TRIM71: variants seen among roughly 807,000 people sequenced by gnomAD.
TRIM71 encodes the protein E3 ubiquitin-protein ligase TRIM71.
A neutral mutation model predicts 61.2 loss-of-function variants in TRIM71; 9 were observed. The observed-to-expected ratio is 0.15, with a 90% CI of 0.09 to 0.26. TRIM71 has a LOEUF of 0.26. Ranked by LOEUF, TRIM71 falls within the 10% of genes least tolerant of loss-of-function variation. The pLI is 1.00. For synonymous variants in TRIM71, 645 were observed against 553.2 expected, an observed-to-expected ratio of 1.17 and a Z score of -2.33; for missense variants, 998 against 1,238.7, an observed-to-expected ratio of 0.81 and a Z score of 2.92.
intron 1 of TRIM71, among the ~76,000 whole-genome samples, chr3:32,873,446 TAAC>T (rs1480175491): frequency 6.6e-6 from 1 of 152,184 alleles, no homozygotes; most frequent in Non-Finnish European, 1.5e-5. Flanking sequence ...AACACAGTCT[TAAC>T]AACTTTTCTG....
chr3:32,856,173 A>G (rs894269855), intron 1 of TRIM71, among the ~76,000 whole-genome samples: 2 of 152,026 alleles, frequency 1.3e-5, no homozygotes, highest in African/African-American at 2.4e-5. Context: ...GCCCGCCACC[A>G]CGCCCGGCTA....
intron 1 of TRIM71, among the ~76,000 whole-genome samples, chr3:32,833,652 T>G (rs1348441049): frequency 6.6e-6 from 1 of 151,006 alleles, no homozygotes; most frequent in Non-Finnish European, 1.5e-5. Flanking sequence ...ATTTATTTAT[T>G]TATTTATTTA....
chr3:32,818,357 G>T lies in TRIM71; in HGVS notation c.277G>T (p.Val93Leu). The change falls in exon 1 of 4, where the codon GTG (valine) becomes TTG (leucine). Residue 93 changes from valine to leucine, a missense_variant. Val to Leu is a conservative substitution (Grantham distance 32, BLOSUM62 1). This residue lies in a region of TRIM71 where 527 missense variants were observed against 427.8 expected (regional missense o/e 1.23). Transcript: ENST00000383763. ...AGEPLKLRCPVCDQKVVLAEA... is the reference protein window; with the variant it reads ...AGEPLKLRCPLCDQKVVLAEA... ...AGAGCCGCTCAAGCTGCGCTGCCCC[G>T]TGTGCGACCAGAAAGTAGTGCTAGC... 6.8e-7 allele frequency: 1 copy of T among 1,475,464 alleles called. No individual in the cohort carries two copies. Among genetic ancestry groups the T allele is most frequent in the South Asian group, 1.3e-5 (1 of 79,314 alleles). 91.4% of individuals were successfully genotyped at this position (1,475,464 alleles called of 1,614,324 possible). A position where few individuals can be genotyped will look rare whatever the true frequency, so the allele number is the denominator to read the frequency against.
intron 2 of TRIM71, among the ~76,000 whole-genome samples, chr3:32,885,494 G>A (rs113580139): frequency 0.023 from 3,439 of 152,216 alleles, 129 homozygotes; most frequent in African/African-American, 0.078. Flanking sequence ...CCACTACCCT[G>A]TCGCACACCC....
intron 1 of TRIM71, among the ~76,000 whole-genome samples, chr3:32,828,815 A>C (rs565312324): frequency 6.6e-6 from 1 of 151,866 alleles, no homozygotes; most frequent in African/African-American, 2.4e-5. Flanking sequence ...TACATTTTAT[A>C]TGACATGTTT....
chr3:32,871,381 G>A (rs553562425), intron 1 of TRIM71, among the ~76,000 whole-genome samples: 8 of 152,310 alleles, frequency 5.3e-5, no homozygotes, highest in South Asian at 2.1e-4. Context: ...GAACGGATGC[G>A]TTCTCAAGGT....
At chr3:32,841,176 C>T (rs908832415) in intron 1 of TRIM71, among the ~76,000 whole-genome samples, 9 of 151,914 alleles carry the variant, frequency 5.9e-5, no homozygotes, top group Non-Finnish European at 1.2e-4. Flanking sequence ...ACCCGGGAGG[C>T]GGAGCTTGCA....
At chr3:32,864,703 G>T (rs1268323585) in intron 1 of TRIM71, among the ~76,000 whole-genome samples, 2 of 152,228 alleles carry the variant, frequency 1.3e-5, no homozygotes, top group Non-Finnish European at 2.9e-5. Flanking sequence ...CTCAGGTCCG[G>T]TGTAGAGTGG....
rs1431431740 is a variant in TRIM71, at chr3:32,871,775, ACCATTG to A, written c.853-2041_853-2036del. On this transcript the variant is annotated intron_variant, in intron 1 of 3. Transcript: ENST00000383763. ...TGCTGCTACCTGGTTTCAGTCTGCC[ACCATTG>A]CTGGCAAAGCACTGCAGTGATCAAA... Among the ~76,000 whole-genome samples, 3 of 152,212 alleles carry A rather than the reference ACCATTG, an allele frequency of 2.0e-5. No homozygotes were observed. The East Asian group carries it at 5.8e-4, about 29-fold the overall frequency.
intron 1 of TRIM71, among the ~76,000 whole-genome samples, chr3:32,857,885 C>A (rs916600562): frequency 6.6e-6 from 1 of 152,062 alleles, no homozygotes; most frequent in East Asian, 1.9e-4. Context: ...GCATGAGAAT[C>A]GCTTGAACCC....
chr3:32,874,359 ACTACT>A (rs1559548621), intron 2 of TRIM71, among the ~76,000 whole-genome samples: 4 of 148,602 alleles, frequency 2.7e-5, no homozygotes, highest in Admixed American at 6.7e-5. Context: ...TACTACTACT[ACTACT>A]ACTACAACAT....
At chr3:32,855,688 A>T (rs1175514893) in intron 1 of TRIM71, among the ~76,000 whole-genome samples, 1 of 152,126 alleles carries the variant, frequency 6.6e-6, no homozygotes. Flanking sequence ...TTTGGGGAGC[A>T]CAGCAGGAGG....
At chr3:32,841,951 GGT>G (rs1559540678) in intron 1 of TRIM71, among the ~76,000 whole-genome samples, 4 of 152,114 alleles carry the variant, frequency 2.6e-5, no homozygotes, top group African/African-American at 9.7e-5. Flanking sequence ...GCTCAGCCAG[GGT>G]GCAGTTCTTG....
chr3:32,880,649 A>G (rs970361875), intron 2 of TRIM71, among the ~76,000 whole-genome samples: 3 of 152,188 alleles, frequency 2.0e-5, no homozygotes, highest in Non-Finnish European at 4.4e-5. Flanking sequence ...AGCATGGAAG[A>G]TGTAGCACCT....
At chr3:32,847,608 G>A (rs1441520969) in intron 1 of TRIM71, among the ~76,000 whole-genome samples, 1 of 152,212 alleles carries the variant, frequency 6.6e-6, no homozygotes, top group Admixed American at 6.5e-5. Context: ...AAGCATCCAG[G>A]CCAGTGCCTG....
At chr3:32,879,350 A>C (rs557586566) in intron 2 of TRIM71, among the ~76,000 whole-genome samples, 1 of 152,310 alleles carries the variant, frequency 6.6e-6, no homozygotes, top group East Asian at 1.9e-4. Flanking sequence ...TTGCAATCAC[A>C]GCTTTGACTG....
At chr3:32,854,401 C>G (rs190902617) in intron 1 of TRIM71, among the ~76,000 whole-genome samples, 1 of 152,280 alleles carries the variant, frequency 6.6e-6, no homozygotes, top group East Asian at 1.9e-4. Context: ...TGCTTCTGGA[C>G]ATTGCTTAGG....
intron 1 of TRIM71, among the ~76,000 whole-genome samples, chr3:32,822,759 T>C (rs917574467): frequency 6.6e-6 from 1 of 152,214 alleles, no homozygotes; most frequent in Non-Finnish European, 1.5e-5. Context: ...GAAGTAATTC[T>C]CTTTTTAAGG....
At position 32,834,946 on chromosome 3, in the gene TRIM71, C is replaced by T. The variant is rs114259748; in HGVS notation, c.852+16014C>T. Among the ~76,000 whole-genome samples, 466 of 152,334 alleles carry T rather than the reference C, an allele frequency of 3.1e-3. 2 individuals are homozygous for T. The highest frequency in any genetic ancestry group is 0.011 in the African/African-American group (442 of 41,580). Reference sequence around the variant, plus strand: ...AATTTGTCTGAATTTAATGACAGTTCATTCTATCAGTTCCTCTTTGTCCTA... The same window carrying T: ...AATTTGTCTGAATTTAATGACAGTTTATTCTATCAGTTCCTCTTTGTCCTA... On this transcript the variant is annotated intron_variant, in intron 1 of 3. Coordinates refer to ENST00000383763, the MANE Select transcript of TRIM71 (RefSeq NM_001039111.3).
Sources: allele counts gnomAD v4.1 joint callset (sites outside exome capture counted in the v4.1 genomes callset), GRCh38; gene constraint gnomAD v4.1.1; regional missense constraint gnomAD v4.1.1; transcripts MANE v1.5; gene names NCBI Gene and HGNC (gene_info 2026-07-23, HGNC 2026-07-21).